The following STK31 variants were observed in gnomAD, a reference collection of about 807,000 sequenced individuals.
STK31 encodes the protein serine/threonine-protein kinase 31.
Under a neutral mutation model 129.7 loss-of-function variants are expected in STK31, and 89 were observed. That is an observed-to-expected ratio of 0.69 (90% CI 0.58 to 0.82). The LOEUF is 0.82. Among genes scored for constraint, STK31 ranks in the 40% least tolerant of loss-of-function variants. STK31 has a pLI of 0.00. For missense variants in STK31, 1,187 were observed against 1,176.4 expected, an observed-to-expected ratio of 1.01 and a Z score of -0.13; for synonymous variants, 448 against 395.3, an observed-to-expected ratio of 1.13 and a Z score of -1.58.
intron 4 of STK31, among the ~76,000 whole-genome samples, chr7:23,724,314 G>A (rs1786916759): frequency 6.6e-6 from 1 of 152,192 alleles, no homozygotes; most frequent in Non-Finnish European, 1.5e-5. Context: ...AACTCCTTGC[G>A]GAAGGAGGTT....
At chr7:23,720,783 T>C (rs368009318) in intron 4 of STK31, among the ~76,000 whole-genome samples, 1 of 152,286 alleles carries the variant, frequency 6.6e-6, no homozygotes, top group East Asian at 1.9e-4. Flanking sequence ...AGCTAAATTA[T>C]TCAATATCTT....
intron 23 of STK31, among the ~76,000 whole-genome samples, chr7:23,831,321 A>G (rs900515268): frequency 6.6e-6 from 1 of 152,088 alleles, no homozygotes; most frequent in Non-Finnish European, 1.5e-5. Context: ...GAATTGTTAC[A>G]TTCTCTTGCT....
At position 23,814,167 on chromosome 7, in the gene STK31, G is replaced by A. The variant is rs142754939; in HGVS notation, c.2761-977G>A. On this transcript the variant is annotated intron_variant, in intron 22 of 23. Coordinates refer to ENST00000355870, the MANE Select transcript of STK31 (RefSeq NM_031414.5). Reference sequence around the variant, plus strand: ...CTCACTTATTTTTTTTTTTTTTTCAGTTGGGAGGGTTATAAGACAACCTGT... The same window carrying A: ...CTCACTTATTTTTTTTTTTTTTTCAATTGGGAGGGTTATAAGACAACCTGT... 1.5e-3 allele frequency among the ~76,000 whole-genome samples: 27 copies of A among 18,222 alleles called. No individual in the cohort carries two copies. The East Asian group carries it at 0.027, about 18-fold the overall frequency. 12.0% of individuals were successfully genotyped at this position (18,222 alleles called of 152,430 possible). A position where few individuals can be genotyped will look rare whatever the true frequency, so the allele number is the denominator to read the frequency against.
intron 1 of STK31, chr7:23,710,559 A>T: frequency 7.1e-7 from 1 of 1,403,192 alleles, no homozygotes. Context: ...AATGATCTCC[A>T]TGAAGACGCG....
intron 17 of STK31, 120 bp from the exon 18 acceptor site, chr7:23,785,358 G>A: frequency 7.3e-7 from 1 of 1,373,698 alleles, no homozygotes; most frequent in Non-Finnish European, 9.8e-7. Context: ...AATTTTGTTG[G>A]TTTTTCCAGT....
At chr7:23,788,361 A>G (rs994630465) in intron 21 of STK31, among the ~76,000 whole-genome samples, 14 of 152,178 alleles carry the variant, frequency 9.2e-5, no homozygotes, top group African/African-American at 2.9e-4. Flanking sequence ...ACTCAATGGC[A>G]TTGACAACAT....
intron 1 of STK31, chr7:23,710,597 C>T (rs922807948): frequency 1.5e-6 from 2 of 1,310,026 alleles, no homozygotes; most frequent in Non-Finnish European, 2.0e-6. Flanking sequence ...CTCTCTTCCC[C>T]TTCTCGAAAA....
At chr7:23,746,730 TAGGCTGAGG>T (rs1242966123) in intron 8 of STK31, among the ~76,000 whole-genome samples, 2 of 152,048 alleles carry the variant, frequency 1.3e-5, no homozygotes, top group African/African-American at 4.8e-5. Flanking sequence ...TCATGTTGAG[TAGGCTGAGG>T]AGGAAGAGCA....
chr7:23,727,221 G>C lies in STK31; in HGVS notation c.250-20G>C. On this transcript the variant is annotated intron_variant, in intron 4 of 23. Transcript: ENST00000355870. ...CATGCTTTAAATGCCAAGTAATTTT[G>C]CTTTCTTTTCTCTTTGTAGATTTAT... The C allele has an allele frequency of 6.2e-7, 1 of 1,608,080 alleles. No individual in the cohort carries two copies. The highest frequency in any genetic ancestry group is 8.5e-7 in the Non-Finnish European group (1 of 1,175,064).
chr7:23,768,971 A>G (rs1376883573), intron 11 of STK31, 24 bp from the exon 12 acceptor site: 6 of 1,531,676 alleles, frequency 3.9e-6, no homozygotes, highest in Non-Finnish European at 5.3e-6. Context: ...AAACTTTAAT[A>G]AACAGAAGTA....
At chr7:23,821,991 T>C (rs1222443491) in intron 23 of STK31, among the ~76,000 whole-genome samples, 1 of 152,170 alleles carries the variant, frequency 6.6e-6, no homozygotes, top group East Asian at 1.9e-4. Flanking sequence ...TTCTATTCTA[T>C]AGGTGCATAT....
chr7:23,824,622 T>C (rs1378748570), intron 23 of STK31, among the ~76,000 whole-genome samples: 18 of 152,204 alleles, frequency 1.2e-4, no homozygotes, highest in Non-Finnish European at 2.5e-4. Context: ...TGGCCAGAAC[T>C]TCCAACACTA....
At chr7:23,727,819 G>A (rs754733138) in intron 5 of STK31, among the ~76,000 whole-genome samples, 59 of 151,670 alleles carry the variant, frequency 3.9e-4, no homozygotes, top group Admixed American at 2.6e-3. Context: ...CTCAGCCTCC[G>A]AAAGTGCTGG....
At chr7:23,786,398 A>G in intron 18 of STK31, 110 bp from the exon 19 acceptor site, 1 of 1,150,572 alleles carries the variant, frequency 8.7e-7, no homozygotes, top group Admixed American at 3.5e-5. Flanking sequence ...AAAAAATAAA[A>G]TTAGATTTGA....
chr7:23,763,199 T>C (rs1220912037), intron 11 of STK31, among the ~76,000 whole-genome samples: 1 of 152,168 alleles, frequency 6.6e-6, no homozygotes, highest in Non-Finnish European at 1.5e-5. Context: ...GTAGCAGGTA[T>C]GTGGGTCCCT....
At chr7:23,810,952 CA>C (rs1793095995) in intron 22 of STK31, among the ~76,000 whole-genome samples, 8 of 145,732 alleles carry the variant, frequency 5.5e-5, no homozygotes, top group African/African-American at 2.0e-4. Context: ...CACACACACA[CA>C]CACACACACC....
At chr7:23,773,199 C>G (rs577974714) in intron 15 of STK31, among the ~76,000 whole-genome samples, 2 of 152,166 alleles carry the variant, frequency 1.3e-5, no homozygotes, top group African/African-American at 4.8e-5. Context: ...CCCCTAGACC[C>G]CCACCCCCTG....
intron 23 of STK31, among the ~76,000 whole-genome samples, chr7:23,831,627 G>T (rs781556417): frequency 6.6e-6 from 1 of 152,130 alleles, no homozygotes; most frequent in Non-Finnish European, 1.5e-5. Context: ...ATTGATTCTG[G>T]TTGTTTTGTG....
chr7:23,746,104 T>C (rs1175621359), intron 8 of STK31, among the ~76,000 whole-genome samples: 2 of 152,154 alleles, frequency 1.3e-5, no homozygotes, highest in African/African-American at 2.4e-5. Flanking sequence ...CCCTAGACCA[T>C]GATGCAGTCT....
Sources: allele counts gnomAD v4.1 joint callset (sites outside exome capture counted in the v4.1 genomes callset), GRCh38; gene constraint gnomAD v4.1.1; transcripts MANE v1.5; gene names NCBI Gene and HGNC (gene_info 2026-07-23, HGNC 2026-07-21).